ANKRD26: variants seen among roughly 807,000 people sequenced by gnomAD.
ANKRD26 encodes ankyrin repeat domain-containing protein 26.
ANKRD26 carries 141 observed loss-of-function variants against 208.7 expected under a neutral mutation model. That is an observed-to-expected ratio of 0.68 (90% CI 0.59 to 0.78). The LOEUF (loss-of-function observed/expected upper bound fraction) is 0.78, where lower values mean the gene tolerates loss of function less well. Among genes scored for constraint, ANKRD26 ranks in the 30% least tolerant of loss-of-function variants. The pLI is 0.00. For missense variants in ANKRD26, 1,889 were observed against 1,938.7 expected (o/e 0.97, Z 0.48); for synonymous variants, 636 against 660.4 (o/e 0.96, Z 0.57).
intron 4 of ANKRD26, among the ~76,000 whole-genome samples, chr10:27,090,879 A>G (rs2056277138): frequency 1.3e-5 from 2 of 152,244 alleles, no homozygotes; most frequent in Admixed American, 1.3e-4. Context: ...GTGGATCACT[A>G]CAGTCCAGGA....
chr10:27,014,643 C>T lies in ANKRD26; in HGVS notation c.4575G>A (p.Gln1525=). The T allele has an allele frequency of 6.2e-7, 1 of 1,612,418 alleles. No individual in the cohort carries two copies. Among genetic ancestry groups the T allele is most frequent in the African/African-American group, 1.3e-5 (1 of 74,918 alleles). The stretch of plus-strand genomic sequence containing the variant: ...CCAGATCTTTAATTCTGAGTTCCAT[C>T]TGACTTTTCATTGAAGCAAAATTAT... The part of the protein sequence containing the change: ...RENNFASMKS[Q]MELRIKDLES... Residue 1525 remains glutamine (Q), a synonymous_variant, in exon 31 of 34, where the codon CAG becomes CAA. Transcript: ENST00000376087.
At chr10:27,080,939 G>A (rs2055884530) in intron 6 of ANKRD26, 21 of 985,292 alleles carry the variant, frequency 2.1e-5, no homozygotes, top group Non-Finnish European at 2.5e-5. Flanking sequence ...TGGGAAAGGA[G>A]GCAGAGGTGA....
intron 23 of ANKRD26, among the ~76,000 whole-genome samples, chr10:27,036,770 T>C (rs2054058981): frequency 1.3e-5 from 2 of 152,266 alleles, no homozygotes; most frequent in East Asian, 3.9e-4. Context: ...AATATGTCAC[T>C]GAACTGGCTG....
At chr10:27,008,193 G>T (rs1001305520) in intron 32 of ANKRD26, among the ~76,000 whole-genome samples, 1 of 151,858 alleles carries the variant, frequency 6.6e-6, no homozygotes, top group Admixed American at 6.6e-5. Flanking sequence ...GAGCATAATA[G>T]GTACTTTGTG....
At chr10:27,022,508 T>C in intron 29 of ANKRD26, 50 bp downstream of exon 29, 2 of 1,384,630 alleles carry the variant, frequency 1.4e-6, no homozygotes, top group Middle Eastern at 2.6e-4. Flanking sequence ...GAAGTCTATA[T>C]TTCCCAAAAT....
intron 20 of ANKRD26, among the ~76,000 whole-genome samples, chr10:27,042,072 C>A (rs931314526): frequency 1.3e-5 from 2 of 150,822 alleles, no homozygotes; most frequent in Non-Finnish European, 3.0e-5. Context: ...AAAAAACAAA[C>A]CCAAAAACCT....
chr10:27,079,229 C>G, intron 6 of ANKRD26, 68 bp from the exon 7 acceptor site: 1 of 1,390,632 alleles, frequency 7.2e-7, no homozygotes, highest in Non-Finnish European at 1.0e-6. Flanking sequence ...AACCAGCTTA[C>G]AATTTTCAAT....
At chr10:27,071,158 C>CTTT (rs1564411968) in intron 9 of ANKRD26, among the ~76,000 whole-genome samples, 2 of 128,728 alleles carry the variant, frequency 1.6e-5, no homozygotes, top group Non-Finnish European at 1.6e-5. Flanking sequence ...TTGCTACATT[C>CTTT]ATTTTTTTTT....
downstream of ANKRD26, among the ~76,000 whole-genome samples, chr10:26,999,575 G>GA (rs1451546114): frequency 2.6e-5 from 4 of 152,070 alleles, no homozygotes; most frequent in African/African-American, 9.7e-5. Flanking sequence ...CCTGCCAGGT[G>GA]AAAATAGTCC....
chr10:27,046,305 T>A (rs773242198), intron 18 of ANKRD26, 48 bp downstream of exon 18: 1 of 1,583,828 alleles, frequency 6.3e-7, no homozygotes, highest in South Asian at 1.1e-5. Context: ...AGAAAAAAAT[T>A]ACTACTAACC....
rs2054450627 is a variant in ANKRD26 at position 27,046,496 on chromosome 10, T to C, written c.1842A>G (p.Glu614=). The part of the protein sequence containing the change: ...ASSGPALQMK[E]VKSTEKEKRT... ...GTTTTTCTTTTTCAGTGCTCTTTAC[T>C]TCCTTCATTTGCAAGGCAGGACCAC... is the stretch of plus-strand genomic sequence containing the variant. Residue 614 remains glutamate (E), a synonymous_variant, in exon 18 of 34, where the codon GAA becomes GAG. Transcript: ENST00000376087. 1 of 1,613,876 alleles carries C rather than the reference T, an allele frequency of 6.2e-7. No individual in the cohort carries two copies. The highest frequency in any genetic ancestry group is 1.7e-5 in the Admixed American group (1 of 59,984).
chr10:27,041,942 A>G (rs2054255211), intron 20 of ANKRD26, among the ~76,000 whole-genome samples: 1 of 152,168 alleles, frequency 6.6e-6, no homozygotes, highest in South Asian at 2.1e-4. Context: ...AAATTATACC[A>G]TATATGATGT....
downstream of ANKRD26, among the ~76,000 whole-genome samples, chr10:26,972,128 G>T (rs531640036): frequency 4.6e-5 from 7 of 151,878 alleles, no homozygotes; most frequent in South Asian, 1.0e-3. Context: ...CCAGCTACTC[G>T]GGAGGCTGAG....
At chr10:27,016,694 TTC>T (rs950019290) in intron 30 of ANKRD26, among the ~76,000 whole-genome samples, 1 of 152,150 alleles carries the variant, frequency 6.6e-6, no homozygotes, top group Non-Finnish European at 1.5e-5. Context: ...TCTGGAAATG[TTC>T]TCTGTTGAGA....
chr10:26,958,111 G>A, the ANKRD26 span, among the ~76,000 whole-genome samples: 1 of 148,750 alleles, frequency 6.7e-6, no homozygotes, highest in Admixed American at 6.7e-5. Context: ...GAGACAGAGT[G>A]TTGCTCTGTC....
chr10:27,066,195 T>TA (rs2055239741), intron 11 of ANKRD26: 1 of 209,188 alleles, frequency 4.8e-6, no homozygotes, highest in African/African-American at 2.3e-5. Context: ...TAGATAAACT[T>TA]AACTTCAGAA....
chr10:27,022,459 T>C, intron 29 of ANKRD26, 99 bp downstream of exon 29: 1 of 920,348 alleles, frequency 1.1e-6, no homozygotes, highest in Admixed American at 3.3e-5. Flanking sequence ...TCCCTAAAGT[T>C]AAAAAAAAAA....
chr10:26,990,613 A>T (rs944639994), downstream of ANKRD26, among the ~76,000 whole-genome samples: 1 of 152,140 alleles, frequency 6.6e-6, no homozygotes, highest in Non-Finnish European at 1.5e-5. Flanking sequence ...AATCCGAGCC[A>T]TGTCTATGGA....
In ANKRD26 at chr10:27,065,585, C is replaced by G. The variant is rs376071962; in HGVS notation, c.1269+902G>C. 2.6e-5 allele frequency among the ~76,000 whole-genome samples: 4 copies of G among 151,956 alleles called. No homozygotes were observed. In the East Asian group the frequency reaches 7.7e-4, roughly 29 times the overall value. On this transcript the variant is annotated intron_variant, in intron 11 of 33. Transcript: ENST00000376087. ...CTGGAAATGATTTTGAAAATCATTT[C>G]TACTTATTACACTACCACTCAACCA...
Sources: allele counts gnomAD v4.1 joint callset (sites outside exome capture counted in the v4.1 genomes callset), GRCh38; gene constraint gnomAD v4.1.1; transcripts MANE v1.5; gene names NCBI Gene and HGNC (gene_info 2026-07-23, HGNC 2026-07-21).